The following FANCA variants were observed in gnomAD, a reference collection of about 807,000 sequenced individuals.
FANCA encodes FA complementation group A.
Under a neutral mutation model 194.3 loss-of-function variants are expected in FANCA, and 236 were observed. That is an observed-to-expected ratio of 1.21 (90% CI 1.09 to 1.35). FANCA has a LOEUF of 1.35. Among genes scored for constraint, FANCA ranks in the 40% most tolerant of loss-of-function variants. The pLI, the probability that FANCA is intolerant of heterozygous loss-of-function variation, is 0.00. For missense variants in FANCA, 2,628 were observed against 1,813.9 expected, an observed-to-expected ratio of 1.45 and a Z score of -8.15; for synonymous variants, 1,014 against 715.8, an observed-to-expected ratio of 1.42 and a Z score of -6.65.
chr16:89,802,505 C>T (rs944513537), intron 8 of FANCA, among the ~76,000 whole-genome samples: 49 of 152,252 alleles, frequency 3.2e-4, no homozygotes, highest in Admixed American at 5.2e-4. Context: ...GGTTTCACGC[C>T]ATTCTCCTGC....
rs1451492184 is a variant in FANCA, at chr16:89,746,820, G to A, written c.3408+11C>T. On this transcript the variant is annotated intron_variant, in intron 34 of 42. Transcript: ENST00000389301. Reference sequence around the variant, plus strand: ...GAGAAGGCCACGAGAGGGGCTGAGGGAGCATCTCACCCTGAAGAAGTGGGC... The same window carrying A: ...GAGAAGGCCACGAGAGGGGCTGAGGAAGCATCTCACCCTGAAGAAGTGGGC... 5.7e-5 allele frequency: 90 copies of A among 1,568,308 alleles called. No homozygotes were observed. Among genetic ancestry groups the A allele is most frequent in the Non-Finnish European group, 7.7e-5 (89 of 1,155,604 alleles).
rs17227085 is a variant in FANCA, at chr16:89,748,913, C to T, written c.3240-146G>A. The T allele has an allele frequency of 0.066, 47,141 of 715,366 alleles. 2,192 individuals are homozygous for T. The highest frequency in any genetic ancestry group is 0.15 in the East Asian group (5,671 of 36,978). 44.3% of individuals were successfully genotyped at this position (715,366 alleles called of 1,614,324 possible). ...AGCCTTGGCCTGTGTCCCTCTGTCC[C>T]ATCCAAAGCCTGCACTCTGAGCCCA... On this transcript the variant is annotated intron_variant, in intron 32 of 42. Transcript: ENST00000389301.
Position 89,807,299 on chromosome 16 carries a change from A to G in FANCA, c.596+995T>C, listed in dbSNP as rs1486763709. ...TGGTGAAACCCCATCTCTACTAAACATACAAAAATTAGCCGGGTGTGGTGG... is the reference window on the plus strand; with the variant it reads ...TGGTGAAACCCCATCTCTACTAAACGTACAAAAATTAGCCGGGTGTGGTGG... On this transcript the variant is annotated intron_variant, in intron 6 of 42. Transcript: ENST00000389301. Among the ~76,000 whole-genome samples the G allele has an allele frequency of 9.2e-5, 14 of 151,624 alleles. 1 individual carries two copies. The South Asian group carries it at 2.3e-3, about 25-fold the overall frequency.
At chr16:89,751,809 C>T (rs995452743) in intron 31 of FANCA, among the ~76,000 whole-genome samples, 10 of 151,712 alleles carry the variant, frequency 6.6e-5, no homozygotes, top group Middle Eastern at 3.2e-3. Context: ...CTCTGTCGCC[C>T]GCCCAGGCTG....
rs2039839191 is a variant in FANCA, at chr16:89,784,717, G to A, written c.1470+137C>T. The A allele has an allele frequency of 4.5e-6, 3 of 664,558 alleles. No homozygotes were observed. In the African/African-American group the frequency reaches 5.3e-5, roughly 12 times the overall value. The allele number at this position is 664,558 out of a possible 1,614,324, so 41.2% of individuals were successfully genotyped here. ...TTCACCATAAACGGCTTGGGGAAGG[G>A]GAAGGGGAAGGGGAAGGGCCTGGCT... On this transcript the variant is annotated intron_variant, in intron 15 of 42. Coordinates refer to ENST00000389301, the MANE Select transcript of FANCA (RefSeq NM_000135.4).
At position 89,792,006 on chromosome 16, in the gene FANCA, C is replaced by T. The variant is rs781015145; in HGVS notation, c.1146G>A (p.Gln382=). The T allele has an allele frequency of 1.9e-6, 3 of 1,614,184 alleles. No homozygotes were observed. In the East Asian group the frequency reaches 6.7e-5, roughly 36 times the overall value. The change falls in exon 13 of 43, where the codon CAG becomes CAA. Residue 382 remains glutamine (Q), a synonymous_variant. Coordinates refer to ENST00000389301, the MANE Select transcript of FANCA (RefSeq NM_000135.4). Reference sequence around the variant, plus strand: ...AGAGCACTCTCTGCCAGTGAACCTCCTGCGTTTCCAGAACTTCTTGCAAAT... The same window carrying T: ...AGAGCACTCTCTGCCAGTGAACCTCTTGCGTTTCCAGAACTTCTTGCAAAT... ...VGHLQEVLET[Q]EVHWQRVLSF... is the part of the protein sequence containing the mutation.
At chr16:89,758,292 G>C (rs1004643072) in intron 30 of FANCA, among the ~76,000 whole-genome samples, 2 of 152,204 alleles carry the variant, frequency 1.3e-5, no homozygotes, top group African/African-American at 4.8e-5. Context: ...TGGACTGAGA[G>C]AAAAATGCAT....
chr16:89,799,709 G>C, intron 8 of FANCA, 71 bp from the exon 9 acceptor site: 3 of 1,271,192 alleles, frequency 2.4e-6, no homozygotes, highest in Admixed American at 1.7e-5. Flanking sequence ...CATCACACAA[G>C]AGAATTATTA....
At position 89,809,929 on chromosome 16, in the gene FANCA, G is replaced by C. The variant is rs565981967; in HGVS notation, c.522+778C>G. Among the ~76,000 whole-genome samples the C allele has an allele frequency of 6.4e-4, 97 of 152,202 alleles. 3 individuals carry two copies. The South Asian group carries it at 0.019, about 30-fold the overall frequency. On this transcript the variant is annotated intron_variant, in intron 5 of 42. Transcript: ENST00000389301. ...TAATCCCAGCTACTAAGGTGGCTGA[G>C]GCAGGACAATCGCTTGAACCTGGGA...
intron 8 of FANCA, among the ~76,000 whole-genome samples, chr16:89,802,562 C>T (rs547436562): frequency 6.6e-5 from 10 of 152,234 alleles, no homozygotes; most frequent in East Asian, 3.9e-4. Context: ...CCACCAGGCC[C>T]GGCTAATTTT....
intron 32 of FANCA, 26 bp from the exon 33 acceptor site, chr16:89,748,793 G>A (rs372277373): frequency 5.9e-4 from 931 of 1,587,142 alleles, no homozygotes; most frequent in Non-Finnish European, 6.0e-4. Context: ...TGTATTGGTG[G>A]CGACAGCACA....
chr16:89,760,518 A>G (rs2376883), intron 29 of FANCA, among the ~76,000 whole-genome samples: 101,877 of 151,598 alleles, frequency 0.67, 35,198 homozygotes, highest in East Asian at 0.99. Context: ...TGAGGCCCAT[A>G]TACCCACCAG....
rs569009280 is a variant in FANCA, at chr16:89,770,999, T to A, written c.2152-365A>T. 1.2e-4 allele frequency among the ~76,000 whole-genome samples: 19 copies of A among 152,052 alleles called. No homozygotes were observed. The South Asian group carries it at 2.1e-3, about 17-fold the overall frequency. ...GGTCAACATGATGAAACCCTGTCTT[T>A]ACTAAAAATACAAAAATTAGCTGGG... On this transcript the variant is annotated intron_variant, in intron 23 of 42. Coordinates refer to ENST00000389301, the MANE Select transcript of FANCA (RefSeq NM_000135.4).
chr16:89,752,359 C>A (rs2038626268), intron 30 of FANCA, 137 bp from the exon 31 acceptor site: 2 of 776,588 alleles, frequency 2.6e-6, no homozygotes, highest in Non-Finnish European at 2.3e-6. Flanking sequence ...CAACAATAAA[C>A]AACAAAAACT....
At chr16:89,742,406 T>A (rs1310238114) in intron 37 of FANCA, among the ~76,000 whole-genome samples, 1 of 149,640 alleles carries the variant, frequency 6.7e-6, no homozygotes, top group Admixed American at 6.7e-5. Context: ...GTGAGCTGAC[T>A]GCACCACTGC....
Position 89,779,158 on chromosome 16 carries a change from C to T in FANCA, c.1716-155G>A, listed in dbSNP as rs2302161. On this transcript the variant is annotated intron_variant, in intron 18 of 42. Transcript: ENST00000389301. ...TCTTGTGCACAGTTCCGGGACAAGGCATGTGTAGGGCAGGCCGTGCTAGCC... is the reference window on the plus strand; with the variant it reads ...TCTTGTGCACAGTTCCGGGACAAGGTATGTGTAGGGCAGGCCGTGCTAGCC... 9.2e-3 allele frequency among the ~76,000 whole-genome samples: 1,407 copies of T among 152,226 alleles called. 11 individuals carry two copies. Among genetic ancestry groups the T allele is most frequent in the East Asian group, 0.037 (192 of 5,162 alleles).
chr16:89,739,276 A>C lies in FANCA; in HGVS notation c.4024T>G (p.Phe1342Val), dbSNP rs1401468562. The C allele has an allele frequency of 6.2e-7, 1 of 1,614,156 alleles. No individual in the cohort carries two copies. The highest frequency in any genetic ancestry group is 1.3e-5 in the African/African-American group (1 of 75,070). ...PFAFYSLLSY[F>V]HEDAAIREEA... ...TCCCTGATGGCCGCGTCTTCATGGA[A>C]GTAGGAGAGAAGACTAGAGGTAAAG... The change falls in exon 41 of 43, where the codon TTC becomes GTC. Residue 1342 changes from phenylalanine (F) to valine (V), a missense_variant. Physicochemically the swap from Phe to Val is conservative, Grantham distance 50 (BLOSUM62 -1). Transcript: ENST00000389301.
intron 8 of FANCA, among the ~76,000 whole-genome samples, chr16:89,802,350 G>T (rs2040485767): frequency 6.6e-6 from 1 of 151,474 alleles, no homozygotes; most frequent in Non-Finnish European, 1.5e-5. Context: ...GGATCCACCA[G>T]TCTCAGCCTC....
Position 89,770,642 on chromosome 16 carries a change from G to A in FANCA, c.2152-8C>T, listed in dbSNP as rs1285658774. On this transcript the variant is annotated splice_polypyrimidine_tract_variant and splice_region_variant and intron_variant, in intron 23 of 42. Coordinates refer to ENST00000389301, the MANE Select transcript of FANCA (RefSeq NM_000135.4). ...CAGCAGGAGGTCCACAGCCTGCAGA[G>A]ACACAGTTCTCATGAGCGTGGTGTC... 2 of 1,604,410 alleles carry A rather than the reference G, an allele frequency of 1.2e-6. No individual in the cohort carries two copies. Among genetic ancestry groups the A allele is most frequent in the South Asian group, 1.1e-5 (1 of 89,326 alleles).
Sources: gnomAD v4.1 joint callset for allele counts (sites outside exome capture counted in the v4.1 genomes callset) on GRCh38, gnomAD v4.1.1 for gene constraint, MANE v1.5 for transcripts, NCBI Gene and HGNC (gene_info 2026-07-23, HGNC 2026-07-21) for gene names.